Variants in BRI3 observed in about 807,000 individuals in gnomAD.
The protein encoded by BRI3 is brain protein I3.
In BRI3, 6 loss-of-function variants were observed where a neutral mutation model predicts 12.8. The observed-to-expected ratio is 0.47, with a 90% CI of 0.26 to 0.93. The LOEUF is 0.93. Among genes scored for constraint, BRI3 ranks in the 40% least tolerant of loss-of-function variants. BRI3 has a pLI of 0.15. For missense variants in BRI3, 134 were observed against 171.1 expected, an observed-to-expected ratio of 0.78 and a Z score of 1.21; for synonymous variants, 91 against 76.1, an observed-to-expected ratio of 1.20 and a Z score of -1.02.
intron 2 of BRI3, among the ~76,000 whole-genome samples, chr7:98,288,982 C>T (rs973515583): frequency 5.3e-5 from 8 of 151,620 alleles, no homozygotes; most frequent in East Asian, 3.9e-4. Flanking sequence ...TTTTTTGAGA[C>T]GGAGTTTTGC....
chr7:98,311,763 A>T (rs1800880620), downstream of BRI3, among the ~76,000 whole-genome samples: 1 of 152,012 alleles, frequency 6.6e-6, no homozygotes, highest in African/African-American at 2.4e-5. Context: ...AAAATTAGCC[A>T]GGCATGGTGG....
downstream of BRI3, among the ~76,000 whole-genome samples, chr7:98,295,874 A>G (rs1800167977): frequency 6.6e-6 from 1 of 152,210 alleles, no homozygotes. Flanking sequence ...TCCTGCCAGG[A>G]GGACTGAGGA....
At chr7:98,304,077 G>A (rs537870100), upstream of BRI3, 21 of 1,097,652 alleles carry the variant, frequency 1.9e-5, no homozygotes, top group African/African-American at 3.2e-5. Context: ...CCTCCTCCCC[G>A]GGGACACCAC....
At chr7:98,293,657 CA>C (rs1235048174), downstream of BRI3, 1 of 1,518,898 alleles carries the variant, frequency 6.6e-7, no homozygotes, top group Non-Finnish European at 9.1e-7. Flanking sequence ...TGGATTTTAA[CA>C]GTGCTAATAA....
downstream of BRI3, among the ~76,000 whole-genome samples, chr7:98,314,135 A>G (rs574480274): frequency 1.1e-3 from 167 of 151,420 alleles, 1 homozygote; most frequent in Non-Finnish European, 2.0e-3. Context: ...ACAGGTGCTC[A>G]CCACATGTGA....
intron 1 of BRI3, 61 bp downstream of exon 1, chr7:98,281,998 A>G (rs1799532773): frequency 1.6e-6 from 2 of 1,281,850 alleles, no homozygotes; most frequent in African/African-American, 1.6e-5. Flanking sequence ...CGGTCGGGGG[A>G]CGTGGGTCCG....
chr7:98,282,555 T>C (rs1020903794), intron 2 of BRI3, 102 bp downstream of exon 2: 5 of 961,312 alleles, frequency 5.2e-6, no homozygotes, highest in East Asian at 2.6e-5. Context: ...GGGTCCGGCT[T>C]GACTTGGATC....
chr7:98,300,090 G>A (rs543749425), intron 1 of BRI3, among the ~76,000 whole-genome samples: 48 of 152,262 alleles, frequency 3.2e-4, no homozygotes, highest in African/African-American at 1.1e-3. Context: ...TAGTTCCTTC[G>A]TTGCACCATC....
At position 98,300,634 on chromosome 7, in the gene BRI3, C is replaced by A. The variant is rs73391040; in HGVS notation, c.72-5849C>A. Among the ~76,000 whole-genome samples the A allele has an allele frequency of 8.1e-3, 1,233 of 152,224 alleles. 19 individuals are homozygous for A. Among genetic ancestry groups the A allele is most frequent in the African/African-American group, 0.028 (1,154 of 41,540 alleles). ...CCTCCCTTTCTCCATTTCACGAGGCCCCGCTATCCCTCTACCTCCCCAGGA... is the reference window on the plus strand; with the variant it reads ...CCTCCCTTTCTCCATTTCACGAGGCACCGCTATCCCTCTACCTCCCCAGGA... On this transcript the variant is annotated intron_variant and NMD_transcript_variant, in intron 1 of 2. Coordinates refer to the BRI3 transcript ENST00000491463.
At chr7:98,304,116 G>A, upstream of BRI3, 10 of 1,407,012 alleles carry the variant, frequency 7.1e-6, no homozygotes, top group Non-Finnish European at 8.5e-6. Context: ...GCAGAGCAAG[G>A]CGGTCACCAC....
intron 1 of BRI3, among the ~76,000 whole-genome samples, chr7:98,301,031 T>G (rs748147124): frequency 2.0e-4 from 30 of 152,158 alleles, no homozygotes; most frequent in Non-Finnish European, 3.2e-4. Context: ...CATTCCTCTT[T>G]GTGTCCTGAG....
At chr7:98,288,289 C>G (rs374002355) in intron 2 of BRI3, among the ~76,000 whole-genome samples, 1 of 152,098 alleles carries the variant, frequency 6.6e-6, no homozygotes, top group Non-Finnish European at 1.5e-5. Context: ...TTGGCCTTCC[C>G]GAGGCTCCCC....
chr7:98,281,988 C>G lies in BRI3; in HGVS notation c.142+51C>G, dbSNP rs867284095. Reference sequence around the variant, plus strand: ...CCGGCGGCTTCCGAGGTGGCAAGCCCGGTCGGGGGACGTGGGTCCGGAGGC... The same window carrying G: ...CCGGCGGCTTCCGAGGTGGCAAGCCGGGTCGGGGGACGTGGGTCCGGAGGC... On this transcript the variant is annotated intron_variant, in intron 1 of 2. Coordinates refer to ENST00000297290, the MANE Select transcript of BRI3 (RefSeq NM_015379.5). 2.6e-5 allele frequency: 34 copies of G among 1,291,236 alleles called. No homozygotes were observed. The Middle Eastern group carries it at 1.2e-3, about 45-fold the overall frequency. The allele number at this position is 1,291,236 out of a possible 1,614,324, so 80.0% of individuals were successfully genotyped here.
the BRI3 span, among the ~76,000 whole-genome samples, chr7:98,315,839 T>C: frequency 6.6e-6 from 1 of 152,194 alleles, no homozygotes; most frequent in Non-Finnish European, 1.5e-5. Context: ...GGGCTTGACA[T>C]TCCCACGGGG....
chr7:98,312,328 C>A, downstream of BRI3: 1 of 1,505,172 alleles, frequency 6.6e-7, no homozygotes, highest in South Asian at 1.3e-5. Context: ...AGAAAAATGA[C>A]ATCACGTCAT....
At chr7:98,293,604 G>T, downstream of BRI3, 1 of 1,611,970 alleles carries the variant, frequency 6.2e-7, no homozygotes, top group Non-Finnish European at 8.5e-7. Context: ...CCGCTGCAGG[G>T]GATAAGAAAA....
exon 2 of BRI3, chr7:98,310,297 C>T: frequency 1.3e-6 from 1 of 780,750 alleles, no homozygotes; most frequent in Non-Finnish European, 2.0e-6. Context: ...TGAACTCACG[C>T]TCTGCAAAGC....
chr7:98,321,070 G>A, the BRI3 span, among the ~76,000 whole-genome samples: 3 of 152,054 alleles, frequency 2.0e-5, no homozygotes, highest in East Asian at 3.9e-4. Context: ...TGTTGCCCAG[G>A]TTGGTCTCGA....
At chr7:98,319,615 T>TGGCTCACTGCAACCTC in the BRI3 span, among the ~76,000 whole-genome samples, 1 of 151,584 alleles carries the variant, frequency 6.6e-6, no homozygotes, top group African/African-American at 2.4e-5. Flanking sequence ...GGCGCAATCT[T>TGGCTCACTGCAACCTC]GGCTCACTGC....
Sources: gnomAD v4.1 joint callset for allele counts (sites outside exome capture counted in the v4.1 genomes callset) on GRCh38, gnomAD v4.1.1 for gene constraint, MANE v1.5 for transcripts, NCBI Gene and HGNC (gene_info 2026-07-23, HGNC 2026-07-21) for gene names.